Variants in MCF2L observed in about 807,000 individuals in gnomAD.
MCF2L encodes MCF.2 cell line derived transforming sequence like.
MCF2L carries 97 observed loss-of-function variants against 153.4 expected under a neutral mutation model. The ratio of observed to expected loss-of-function variants is 0.63; its 90% confidence interval spans 0.54 to 0.75. MCF2L has a LOEUF of 0.75. Ranked by LOEUF, MCF2L falls within the 30% of genes least tolerant of loss-of-function variation. The pLI, the probability that MCF2L is intolerant of heterozygous loss-of-function variation, is 0.00. For missense variants in MCF2L, 1,347 were observed against 1,495.2 expected (o/e 0.90, Z 1.64); for synonymous variants, 659 against 632.2 (o/e 1.04, Z -0.64).
chr13:113,084,717 G>A, intron 18 of MCF2L, 175 bp from the exon 19 acceptor site: 1 of 614,244 alleles, frequency 1.6e-6, no homozygotes, highest in East Asian at 2.7e-5. Flanking sequence ...GCGGAGCCTG[G>A]GAGCCAGTGC....
In MCF2L at chr13:112,904,801, C is replaced by T. The variant is rs2081156126; in HGVS notation, c.169+2430C>T. On this transcript the variant is annotated intron_variant, in intron 2 of 29. Coordinates refer to the MCF2L transcript ENST00000375608. This position sits in a 1 kb window ranked among gnomAD's most constrained non-coding sequence, Gnocchi z 4.2. ...AGGCCCTGCCTGCACCACACCTGCT[C>T]CGTCTCCAGGTGACCTGGGGCCTTG... 6.6e-6 allele frequency among the ~76,000 whole-genome samples: 1 copy of T among 152,276 alleles called. No individual in the cohort carries two copies. The highest frequency in any genetic ancestry group is 2.4e-5 in the African/African-American group (1 of 41,480).
intron 2 of MCF2L, among the ~76,000 whole-genome samples, chr13:112,934,583 T>TGCTGCTG (rs1555351939): frequency 6.6e-6 from 1 of 152,090 alleles, no homozygotes; most frequent in Non-Finnish European, 1.5e-5. Flanking sequence ...CTGCTGCTGG[T>TGCTGCTG]CTGGAGACCC....
chr13:113,087,574 G>T lies in MCF2L; in HGVS notation c.2595+118G>T, dbSNP rs920946374. 2.7e-6 allele frequency: 3 copies of T among 1,105,698 alleles called. No homozygotes were observed. The African/African-American group carries it at 4.6e-5, about 17-fold the overall frequency. 68.5% of individuals were successfully genotyped at this position (1,105,698 alleles called of 1,614,324 possible). A position where few individuals can be genotyped will look rare whatever the true frequency, so the allele number is the denominator to read the frequency against. ...CCAGCTCTCAGCCTTAGGTGTAGGG[G>T]TGGGGTATTCTGCCATTCTTAGCCC... On this transcript the variant is annotated intron_variant, in intron 22 of 29. Transcript: ENST00000535094.
At chr13:113,089,271 TGGCCCCTC>T in intron 25 of MCF2L, among the ~76,000 whole-genome samples, 1 of 137,662 alleles carries the variant, frequency 7.3e-6, no homozygotes, top group African/African-American at 2.7e-5. Flanking sequence ...TAGAAGTGTG[TGGCCCCTC>T]AGAAGCAGGA....
chr13:112,914,166 A>G (rs1423099830), intron 2 of MCF2L, among the ~76,000 whole-genome samples: 2 of 152,150 alleles, frequency 1.3e-5, no homozygotes, highest in Non-Finnish European at 2.9e-5. Context: ...ATACGGCTTG[A>G]GGATTCTTGC....
Position 112,932,916 on chromosome 13 carries a change from AG to A in MCF2L, c.169+30546del, listed in dbSNP as rs962189135. Among the ~76,000 whole-genome samples, 24 of 152,190 alleles carry A rather than the reference AG, an allele frequency of 1.6e-4. No homozygotes were observed. The highest frequency in any genetic ancestry group is 2.9e-4 in the Non-Finnish European group (20 of 68,032). On this transcript the variant is annotated intron_variant, in intron 2 of 29. Coordinates refer to the MCF2L transcript ENST00000375608. The surrounding 1 kb of genome is among the most constrained non-coding windows in gnomAD (Gnocchi z 4.6). ...TGTGGTGACACACACCTGTAATCCCAGCTACCCAGGAGGCTGAGACAGGAGA... is the reference window on the plus strand; with the variant it reads ...TGTGGTGACACACACCTGTAATCCCACTACCCAGGAGGCTGAGACAGGAGA...
At chr13:112,936,279 CAA>C (rs34826552) in intron 2 of MCF2L, among the ~76,000 whole-genome samples, 5,374 of 74,108 alleles carry the variant, frequency 0.073, 86 homozygotes, top group Non-Finnish European at 0.091. Flanking sequence ...GACTCTGTCT[CAA>C]AAAAAAAAAA....
In MCF2L at chr13:113,064,808, G is replaced by A. The variant is rs1270552759; in HGVS notation, c.607-128G>A. On this transcript the variant is annotated intron_variant, in intron 6 of 29. Coordinates refer to ENST00000535094, the MANE Select transcript of MCF2L (RefSeq NM_001112732.3). This position sits in a 1 kb window ranked among gnomAD's most constrained non-coding sequence, Gnocchi z 6.0. ...AGGACGCTATGGGAGGGCGTTCACC[G>A]TCTTTGCGTCAGCCGGTCTCACCTG... The A allele has an allele frequency of 2.4e-5, 25 of 1,028,144 alleles. No homozygotes were observed. The highest frequency in any genetic ancestry group is 5.1e-5 in the East Asian group (2 of 39,496). The allele number at this position is 1,028,144 out of a possible 1,614,324, so 63.7% of individuals were successfully genotyped here.
At chr13:113,069,609 G>A (rs1314132767) in intron 8 of MCF2L, among the ~76,000 whole-genome samples, 5 of 150,650 alleles carry the variant, frequency 3.3e-5, no homozygotes, top group African/African-American at 9.8e-5. Context: ...GCAGTGAGCC[G>A]AGATTGCACC....
chr13:112,995,511 C>T (rs1197063449), intron 1 of MCF2L, among the ~76,000 whole-genome samples: 1 of 152,216 alleles, frequency 6.6e-6, no homozygotes, highest in Non-Finnish European at 1.5e-5. Context: ...AGGGCTGCCA[C>T]TTCTGCCCCA....
At chr13:113,023,022 A>G (rs58416100) in intron 2 of MCF2L, among the ~76,000 whole-genome samples, 2,931 of 152,342 alleles carry the variant, frequency 0.019, 96 homozygotes, top group African/African-American at 0.066. Flanking sequence ...GGAGGATAGA[A>G]GTCATCAGAG....
rs1745961 is a variant in MCF2L, at chr13:113,076,246, G to T, written c.1500+89G>T. On this transcript the variant is annotated intron_variant, in intron 12 of 29. Coordinates refer to ENST00000535094, the MANE Select transcript of MCF2L (RefSeq NM_001112732.3). ...GGGAAGTTTGAAAGAATCATTTAAT[G>T]AATTATTTGTATTTATTTATTATTA... 8,997 of 914,276 alleles carry T rather than the reference G, an allele frequency of 9.8e-3. 612 individuals are homozygous for T. In the African/African-American group the frequency reaches 0.14, roughly 14 times the overall value. The allele number at this position is 914,276 out of a possible 1,614,324, so 56.6% of individuals were successfully genotyped here.
intron 1 of MCF2L, among the ~76,000 whole-genome samples, chr13:112,900,748 C>T (rs2081111965): frequency 6.6e-6 from 1 of 152,048 alleles, no homozygotes; most frequent in Admixed American, 6.5e-5. Flanking sequence ...ATCACCCTGT[C>T]CTGGGCAGGC....
intron 2 of MCF2L, among the ~76,000 whole-genome samples, chr13:112,959,033 G>T (rs1349923273): frequency 1.3e-5 from 2 of 152,226 alleles, no homozygotes; most frequent in African/African-American, 4.8e-5. Context: ...ACTTCCGTAC[G>T]CACAGAATGA....
intron 26 of MCF2L, among the ~76,000 whole-genome samples, chr13:113,093,390 G>A (rs1237428071): frequency 6.6e-6 from 1 of 152,270 alleles, no homozygotes; most frequent in African/African-American, 2.4e-5. Flanking sequence ...GCAGCCCCGT[G>A]CTCTGCTGGC....
chr13:113,072,571 C>A (rs533660904), intron 9 of MCF2L, among the ~76,000 whole-genome samples: 1 of 152,182 alleles, frequency 6.6e-6, no homozygotes, highest in Admixed American at 6.5e-5. Flanking sequence ...TTAATAGTTA[C>A]GCAACTATTG....
rs747160563 is a variant in MCF2L, at chr13:113,060,573, T to C, written c.370-20T>C. On this transcript the variant is annotated intron_variant, in intron 4 of 29. Coordinates refer to ENST00000535094, the MANE Select transcript of MCF2L (RefSeq NM_001112732.3). The stretch of plus-strand genomic sequence containing the variant: ...CTGCAGAGCACGCTGCAGGCCCTTG[T>C]CTCTCGCCCTCTCTCACAGGCATCT... 1 of 1,611,276 alleles carries C rather than the reference T, an allele frequency of 6.2e-7. No homozygotes were observed. The highest frequency in any genetic ancestry group is 1.1e-5 in the South Asian group (1 of 91,052).
chr13:112,898,432 C>A (rs974860190), intron 1 of MCF2L, among the ~76,000 whole-genome samples: 2 of 152,174 alleles, frequency 1.3e-5, no homozygotes, highest in Non-Finnish European at 2.9e-5. Context: ...AAGGCACCAT[C>A]CCCGTGAACC....
At chr13:112,959,974 G>A (rs1210708916) in intron 2 of MCF2L, among the ~76,000 whole-genome samples, 1 of 152,226 alleles carries the variant, frequency 6.6e-6, no homozygotes, top group African/African-American at 2.4e-5. Flanking sequence ...CTGCAGGTGT[G>A]GGGAGAGCCC....
Sources: allele counts gnomAD v4.1 joint callset (sites outside exome capture counted in the v4.1 genomes callset), GRCh38; gene constraint gnomAD v4.1.1; non-coding constraint Gnocchi (gnomAD v3.1); transcripts MANE v1.5; gene names NCBI Gene and HGNC (gene_info 2026-07-23, HGNC 2026-07-21).